AKIRIN1: variants seen among roughly 807,000 people sequenced by gnomAD.
AKIRIN1 encodes akirin 1.
Under a neutral mutation model 25.9 loss-of-function variants are expected in AKIRIN1, and 4 were observed. The ratio of observed to expected loss-of-function variants is 0.15; its 90% CI spans 0.08 to 0.35. AKIRIN1 has a LOEUF of 0.35. AKIRIN1 is among the 10% of genes least tolerant of loss of function. The pLI, the probability that AKIRIN1 is intolerant of heterozygous loss-of-function variation, is 1.00. For synonymous variants in AKIRIN1, 125 were observed against 105.1 expected, an observed-to-expected ratio of 1.19 and a Z score of -1.16; for missense variants, 243 against 266.1, an observed-to-expected ratio of 0.91 and a Z score of 0.61.
intron 2 of AKIRIN1, among the ~76,000 whole-genome samples, chr1:38,998,977 G>C (rs574080602): frequency 1.3e-5 from 2 of 152,190 alleles, no homozygotes; most frequent in East Asian, 1.9e-4. Flanking sequence ...ATGCAGTTAC[G>C]AGATATTTCC....
Position 39,003,414 on chromosome 1 carries a change from A to G in AKIRIN1, c.564A>G (p.Thr188=), listed in dbSNP as rs772630538. ...TGCGACGGTATGGGACAAGGCCAAC[A>G]AGCTGTAAGTATTGCCACATTTTCT... The part of the protein sequence containing the change: ...QIMRRYGTRP[T]SYVS The change falls in exon 4 of 5, where the codon ACA becomes ACG. Residue 188 remains threonine, a synonymous_variant. Coordinates refer to ENST00000432648, the MANE Select transcript of AKIRIN1 (RefSeq NM_024595.3). 1.5e-5 allele frequency: 24 copies of G among 1,612,676 alleles called. No individual in the cohort carries two copies. The African/African-American group carries it at 2.3e-4, about 15-fold the overall frequency.
chr1:38,991,363 C>A lies in AKIRIN1; in HGVS notation c.-18C>A. 2 of 1,339,496 alleles carry A rather than the reference C, an allele frequency of 1.5e-6. No homozygotes were observed. Among genetic ancestry groups the A allele is most frequent in the South Asian group, 1.8e-5 (1 of 54,598 alleles). 83.0% of individuals were successfully genotyped at this position (1,339,496 alleles called of 1,614,324 possible). On this transcript the variant is annotated 5_prime_UTR_variant, in exon 1 of 5. Transcript: ENST00000432648. ...ACTTACCGCCGCGTCCGCTCCCGGTCCCTGGCCCCTCAGCGGCATGGCGTG... is the reference window on the plus strand; with the variant it reads ...ACTTACCGCCGCGTCCGCTCCCGGTACCTGGCCCCTCAGCGGCATGGCGTG...
At chr1:38,995,376 C>G (rs139436907) in intron 1 of AKIRIN1, among the ~76,000 whole-genome samples, 6 of 152,094 alleles carry the variant, frequency 3.9e-5, no homozygotes, top group African/African-American at 1.2e-4. Flanking sequence ...GGGCTTAGAC[C>G]GGAAAAAATC....
chr1:38,998,299 C>G lies in AKIRIN1; in HGVS notation c.349C>G (p.Pro117Ala). 1 of 1,607,572 alleles carries G rather than the reference C, an allele frequency of 6.2e-7. No individual in the cohort carries two copies. The highest frequency in any genetic ancestry group is 1.3e-5 in the African/African-American group (1 of 74,736). ...SQPHSSALTA[P>A]SSPGSSWMKK... The stretch of plus-strand genomic sequence containing the variant: ...ACCTCACTCCTCAGCACTCACAGCA[C>G]CTAGCTCTCCAGGTAAGCCCACTTT... Residue 117 changes from proline (P) to alanine (A), a missense_variant, in exon 2 of 5, where the codon CCT becomes GCT. Transcript: ENST00000432648.
chr1:38,997,136 G>A (rs1414806210), intron 1 of AKIRIN1, among the ~76,000 whole-genome samples: 2 of 151,516 alleles, frequency 1.3e-5, no homozygotes, highest in Non-Finnish European at 2.9e-5. Context: ...TTATAGCAAA[G>A]TATACACTAG....
chr1:38,993,474 A>C (rs1643924135), intron 1 of AKIRIN1, among the ~76,000 whole-genome samples: 1 of 151,634 alleles, frequency 6.6e-6, no homozygotes, highest in Non-Finnish European at 1.5e-5. Flanking sequence ...AAAAAAAGTT[A>C]TTTTTGTTTT....
rs1644011257 is a variant in AKIRIN1 at position 39,003,637 on chromosome 1, A to AATT, written c.568+220_568+221insTTA. Among the ~76,000 whole-genome samples, 5 of 152,224 alleles carry AATT rather than the reference A, an allele frequency of 3.3e-5. 1 individual carries two copies. In the South Asian group the frequency reaches 1.0e-3, roughly 32 times the overall value. On this transcript the variant is annotated intron_variant, in intron 4 of 4. Coordinates refer to ENST00000432648, the MANE Select transcript of AKIRIN1 (RefSeq NM_024595.3). Reference sequence around the variant, plus strand: ...ATTTTACTGGTAAAGATAGCATTTAAAGAGGTTAAATAATTTGCCCAAGCT... The same window carrying AATT: ...ATTTTACTGGTAAAGATAGCATTTAAATTAGAGGTTAAATAATTTGCCCAAGCT...
intron 1 of AKIRIN1, among the ~76,000 whole-genome samples, chr1:38,991,960 T>C (rs2148063402): frequency 8.0e-6 from 1 of 124,774 alleles, no homozygotes. Context: ...CAGTGGGCCA[T>C]GGAAAATTGG....
In AKIRIN1 at chr1:38,991,408, C is replaced by T. The variant is rs1224728121; in HGVS notation, c.28C>T (p.Pro10Ser). The T allele has an allele frequency of 5.9e-6, 8 of 1,357,626 alleles. No individual in the cohort carries two copies. Among genetic ancestry groups the T allele is most frequent in the African/African-American group, 1.5e-5 (1 of 65,280 alleles). 84.1% of individuals were successfully genotyped at this position (1,357,626 alleles called of 1,614,324 possible). MACGATLKR[P>S]MEFEAALLSP... is the part of the protein sequence containing the mutation. ...GGCGTGCGGGGCGACGCTGAAGCGG[C>T]CCATGGAGTTCGAGGCGGCGCTGCT... is the stretch of plus-strand genomic sequence containing the variant. The change falls in exon 1 of 5, where the codon CCC becomes TCC. Residue 10 changes from proline to serine, a missense_variant. Physicochemically the swap from Pro to Ser is moderately conservative, Grantham distance 74. Coordinates refer to ENST00000432648, the MANE Select transcript of AKIRIN1 (RefSeq NM_024595.3).
chr1:39,001,060 TA>T lies in AKIRIN1; in HGVS notation c.454del (p.Ile152PhefsTer13). On this transcript the variant is annotated frameshift_variant, in exon 3 of 5. Coordinates refer to ENST00000432648, the MANE Select transcript of AKIRIN1 (RefSeq NM_024595.3). LOFTEE classifies it high-confidence loss of function. ...CERLLKDYED[K>X]IREEYEQILN... Reference sequence around the variant, plus strand: ...AGCGCCTCTTAAAAGACTATGAAGATAAAATTCGGGAGGAGTATGAGCAAAT... The same window carrying T: ...AGCGCCTCTTAAAAGACTATGAAGATAAATTCGGGAGGAGTATGAGCAAAT... The T allele has an allele frequency of 6.2e-7, 1 of 1,613,894 alleles. No homozygotes were observed. The highest frequency in any genetic ancestry group is 8.5e-7 in the Non-Finnish European group (1 of 1,179,934).
At chr1:38,999,044 G>A (rs1340037841) in intron 2 of AKIRIN1, among the ~76,000 whole-genome samples, 2 of 152,122 alleles carry the variant, frequency 1.3e-5, no homozygotes, top group East Asian at 3.9e-4. Context: ...AATGGTCAAA[G>A]AGGATGTGCT....
chr1:38,996,772 G>A (rs1240510330), intron 1 of AKIRIN1, among the ~76,000 whole-genome samples: 1 of 149,256 alleles, frequency 6.7e-6, no homozygotes, highest in Non-Finnish European at 1.5e-5. Flanking sequence ...CTTGTGATCT[G>A]CCTGCCTCAG....
Position 39,003,462 on chromosome 1 carries a change from G to C in AKIRIN1, c.568+44G>C. 1.9e-6 allele frequency: 3 copies of C among 1,579,968 alleles called. No homozygotes were observed. In the South Asian group the frequency reaches 3.3e-5, roughly 18 times the overall value. On this transcript the variant is annotated intron_variant, in intron 4 of 4. Transcript: ENST00000432648. Reference sequence around the variant, plus strand: ...TCTTTGAATTTTCTAAGTTTCAAGAGCAAAATTTCTACACTGAAACTTCTC... The same window carrying C: ...TCTTTGAATTTTCTAAGTTTCAAGACCAAAATTTCTACACTGAAACTTCTC...
intron 3 of AKIRIN1, among the ~76,000 whole-genome samples, chr1:39,002,595 T>C (rs1449584955): frequency 6.6e-6 from 1 of 152,028 alleles, no homozygotes; most frequent in Non-Finnish European, 1.5e-5. Flanking sequence ...CCGGGCATGG[T>C]GGTGAGCACC....
At position 39,003,407 on chromosome 1, in the gene AKIRIN1, G is replaced by C; in HGVS notation, c.557G>C (p.Arg186Thr). The change falls in exon 4 of 5, where the codon AGG (arginine) becomes ACG (threonine). Residue 186 changes from arginine (R) to threonine (T), a missense_variant. Around this residue, in one of 3 missense-constraint regions of AKIRIN1, gnomAD observed 25 missense variants for 45.3 expected, o/e 0.55. Coordinates refer to ENST00000432648, the MANE Select transcript of AKIRIN1 (RefSeq NM_024595.3). The stretch of plus-strand genomic sequence containing the variant: ...CAGATTATGCGACGGTATGGGACAA[G>C]GCCAACAAGCTGTAAGTATTGCCAC... ...HDQIMRRYGTRPTSYVS is the reference protein window; with the variant it reads ...HDQIMRRYGTTPTSYVS The C allele has an allele frequency of 6.2e-7, 1 of 1,613,250 alleles. No individual in the cohort carries two copies. The highest frequency in any genetic ancestry group is 8.5e-7 in the Non-Finnish European group (1 of 1,179,868).
At position 38,991,276 on chromosome 1, in the gene AKIRIN1, G is replaced by T. The variant is rs1339198987; in HGVS notation, c.-105G>T. On this transcript the variant is annotated 5_prime_UTR_variant, in exon 1 of 5. Coordinates refer to ENST00000432648, the MANE Select transcript of AKIRIN1 (RefSeq NM_024595.3). ...GGCGGGGCCAGCGCCGCTGCCGGGT[G>T]CTGGAGGCGCCATTGGAGCCGGCTT... 16 of 1,013,158 alleles carry T rather than the reference G, an allele frequency of 1.6e-5. No homozygotes were observed. Among genetic ancestry groups the T allele is most frequent in the Non-Finnish European group, 2.0e-5 (15 of 765,220 alleles). The allele number at this position is 1,013,158 out of a possible 1,614,324, so 62.8% of individuals were successfully genotyped here.
Position 39,004,466 on chromosome 1 carries a change from G to A in AKIRIN1, c.*411G>A, listed in dbSNP as rs1644018306. 3.5e-6 allele frequency: 1 copy of A among 285,402 alleles called. No homozygotes were observed. Among genetic ancestry groups the A allele is most frequent in the Non-Finnish European group, 6.8e-6 (1 of 146,656 alleles). The allele number at this position is 285,402 out of a possible 1,614,324, so 17.7% of individuals were successfully genotyped here. On this transcript the variant is annotated 3_prime_UTR_variant, in exon 5 of 5. Transcript: ENST00000432648. ...GTGCAAAAATTTTTTTTTGATCTTG[G>A]GGATTCTGGCTGTGAATTTGGTGCA...
chr1:39,005,502 T>C lies in AKIRIN1; in HGVS notation c.*1447T>C, dbSNP rs1422514153. 6.6e-6 allele frequency: 1 copy of C among 152,158 alleles called. No homozygotes were observed. Among genetic ancestry groups the C allele is most frequent in the East Asian group, 1.9e-4 (1 of 5,186 alleles). The allele number at this position is 152,158 out of a possible 1,614,324, so 9.4% of individuals were successfully genotyped here. A position where few individuals can be genotyped will look rare whatever the true frequency, so the allele number is the denominator to read the frequency against. On this transcript the variant is annotated 3_prime_UTR_variant, in exon 5 of 5. Coordinates refer to ENST00000432648, the MANE Select transcript of AKIRIN1 (RefSeq NM_024595.3). ...CTGTTTTGAGGAGGTGGAAGTTAAG[T>C]ATACATTTATTTTTTACTGTGACTT...
intron 1 of AKIRIN1, among the ~76,000 whole-genome samples, chr1:38,994,870 A>G (rs1314801725): frequency 6.6e-6 from 1 of 151,450 alleles, no homozygotes; most frequent in African/African-American, 2.4e-5. Flanking sequence ...TTGTATTTTT[A>G]GTGGAGATAG....
Sources: allele counts gnomAD v4.1 joint callset (sites outside exome capture counted in the v4.1 genomes callset), GRCh38; gene constraint gnomAD v4.1.1; regional missense constraint gnomAD v4.1.1; transcripts MANE v1.5; gene names NCBI Gene and HGNC (gene_info 2026-07-23, HGNC 2026-07-21).